The following POTEE variants were observed in gnomAD, a reference collection of about 807,000 sequenced individuals.
POTEE encodes ANKRD26-like family C member 1A.
POTEE carries 21 observed loss-of-function variants against 74.2 expected under a neutral mutation model. The observed-to-expected ratio is 0.28, with a 90% CI of 0.20 to 0.41. The LOEUF (loss-of-function observed/expected upper bound fraction) is 0.41. Among genes scored for constraint, POTEE ranks in the 10% least tolerant of loss-of-function variants. The probability of loss-of-function intolerance (pLI) is 1.00; values close to 1 mark genes in which losing one functional copy is unlikely to be tolerated. For synonymous variants in POTEE, 211 were observed against 432.8 expected (o/e 0.49, Z 6.36); for missense variants, 525 against 1,158.6 (o/e 0.45, Z 7.94).
chr2:131,225,764 G>A (rs1200080743), intron 6 of POTEE, among the ~76,000 whole-genome samples: 3 of 150,022 alleles, frequency 2.0e-5, no homozygotes, highest in East Asian at 2.0e-4. Context: ...GGGCTCAAGC[G>A]ATTCACCCAC....
At chr2:131,217,015 T>G (rs1700457174) in intron 2 of POTEE, among the ~76,000 whole-genome samples, 1 of 152,250 alleles carries the variant, frequency 6.6e-6, no homozygotes, top group Admixed American at 6.5e-5. Context: ...ATTGTTTAAC[T>G]AGTTAATACA....
intron 4 of POTEE, among the ~76,000 whole-genome samples, chr2:131,219,600 G>A (rs185035409): frequency 4.6e-5 from 7 of 152,150 alleles, no homozygotes; most frequent in Non-Finnish European, 7.4e-5. Context: ...AGCTGGGTGC[G>A]GTCGTAGACG....
At chr2:131,256,856 C>T (rs1454759411) in intron 16 of POTEE, among the ~76,000 whole-genome samples, 1 of 152,298 alleles carries the variant, frequency 6.6e-6, no homozygotes, top group African/African-American at 2.4e-5. Context: ...AGGATTGTAT[C>T]ATCAGGACGC....
intron 7 of POTEE, among the ~76,000 whole-genome samples, chr2:131,227,412 C>A (rs532041163): frequency 6.8e-6 from 1 of 146,234 alleles, no homozygotes; most frequent in African/African-American, 2.7e-5. Flanking sequence ...TAGCTTATCC[C>A]TACATGACAA....
chr2:131,211,699 C>T (rs1044146728), intron 2 of POTEE, among the ~76,000 whole-genome samples: 5 of 151,316 alleles, frequency 3.3e-5, no homozygotes, highest in South Asian at 4.2e-4. Flanking sequence ...ACTACAGGCG[C>T]CTGCCACCAC....
At position 131,218,476 on chromosome 2, in the gene POTEE, G is replaced by A; in HGVS notation, c.74G>A (p.Gly25Asp). ...CCATTTGGTCTCAGGAGCAAGATGGGCAAGTGGTGCTGCCGTTGCTTCCCC... is the reference window on the plus strand; with the variant it reads ...CCATTTGGTCTCAGGAGCAAGATGGACAAGTGGTGCTGCCGTTGCTTCCCC... ...KKPFGLRSKM[G>D]KWCCRCFPCY... The change falls in exon 4 of 18, where the codon GGC (glycine) becomes GAC (aspartate). Residue 25 changes from glycine (G) to aspartate (D), a missense_variant. Physicochemically the swap from Gly to Asp is moderately conservative, Grantham distance 94 (BLOSUM62 -1). Coordinates refer to ENST00000683005, the MANE Select transcript of POTEE (RefSeq NM_001083538.3). The A allele has an allele frequency of 6.2e-7, 1 of 1,613,172 alleles. No homozygotes were observed. Among genetic ancestry groups the A allele is most frequent in the Non-Finnish European group, 8.5e-7 (1 of 1,179,868 alleles).
chr2:131,251,371 A>G (rs1297342535), intron 14 of POTEE, among the ~76,000 whole-genome samples: 504 of 6,096 alleles, frequency 0.083, 12 homozygotes, highest in African/African-American at 0.14. Flanking sequence ...TTGATATTTA[A>G]CTTCAACATA....
At chr2:131,210,492 C>G (rs1700334836) in intron 1 of POTEE, among the ~76,000 whole-genome samples, 1 of 151,766 alleles carries the variant, frequency 6.6e-6, no homozygotes, top group Non-Finnish European at 1.5e-5. Flanking sequence ...GTGGGGACAG[C>G]AACAGCCATG....
In POTEE at chr2:131,233,824, G is replaced by C. The variant is rs1701042308; in HGVS notation, c.1127-2908G>C. On this transcript the variant is annotated intron_variant, in intron 9 of 17. Transcript: ENST00000683005. The stretch of plus-strand genomic sequence containing the variant: ...AAAGGCTTGGGGGACAGAGAGAAAT[G>C]TCAGATAATTTCCAGGTTTCCAGGT... Among the ~76,000 whole-genome samples, 6 of 150,320 alleles carry C rather than the reference G, an allele frequency of 4.0e-5. No homozygotes were observed. In the South Asian group the frequency reaches 1.3e-3, roughly 31 times the overall value.
chr2:131,227,234 A>G (rs1573709206), intron 7 of POTEE, among the ~76,000 whole-genome samples: 1 of 148,758 alleles, frequency 6.7e-6, no homozygotes, highest in East Asian at 1.9e-4. Flanking sequence ...CTTTTAGTTT[A>G]CTTTATGACT....
rs1365458760 is a variant in POTEE, at chr2:131,263,397, A to G, written c.1942A>G (p.Asn648Asp). 6.2e-7 allele frequency: 1 copy of G among 1,611,722 alleles called. No individual in the cohort carries two copies. The highest frequency in any genetic ancestry group is 8.5e-7 in the Non-Finnish European group (1 of 1,179,846). Reference protein sequence around the residue: ...CKKEKDVLHENSTLREEIAML... With the variant: ...CKKEKDVLHEDSTLREEIAML... ...GAAAGAAAAAGACGTCTTGCATGAA[A>G]ATAGTACGTTGCGGGAAGAAATTGC... is the stretch of plus-strand genomic sequence containing the variant. Residue 648 changes from asparagine to aspartate, a missense_variant, in exon 18 of 18, where the codon AAT becomes GAT. By Grantham distance (23) the Asn-to-Asp change is conservative. Coordinates refer to ENST00000683005, the MANE Select transcript of POTEE (RefSeq NM_001083538.3).
intron 9 of POTEE, among the ~76,000 whole-genome samples, chr2:131,233,683 G>T (rs564991391): frequency 1.1e-4 from 17 of 149,512 alleles, no homozygotes; most frequent in African/African-American, 3.8e-4. Context: ...TAGTTGGCAG[G>T]CTTTTTTTTA....
At chr2:131,211,453 G>T (rs1038718884) in intron 2 of POTEE, among the ~76,000 whole-genome samples, 13 of 146,408 alleles carry the variant, frequency 8.9e-5, no homozygotes, top group African/African-American at 3.3e-4. Flanking sequence ...TCTCTGGAGG[G>T]TGGCCTCCTT....
At chr2:131,222,381 G>A (rs1700646973) in intron 4 of POTEE, among the ~76,000 whole-genome samples, 2 of 151,900 alleles carry the variant, frequency 1.3e-5, no homozygotes, top group East Asian at 1.9e-4. Flanking sequence ...ATACCTAGAG[G>A]GAAGCAGCAC....
chr2:131,225,239 T>C (rs1316382483), intron 6 of POTEE, among the ~76,000 whole-genome samples: 1 of 152,072 alleles, frequency 6.6e-6, no homozygotes, highest in African/African-American at 2.4e-5. Flanking sequence ...CCTGGATATG[T>C]ATATTTGAAA....
Position 131,230,624 on chromosome 2 carries a change from G to A in POTEE, c.1056-212G>A, listed in dbSNP as rs528174277. Reference sequence around the variant, plus strand: ...TAATTTACTGGGTCACAGTGCCCTCGATTTATGACTATTTCACCTTACATT... The same window carrying A: ...TAATTTACTGGGTCACAGTGCCCTCAATTTATGACTATTTCACCTTACATT... On this transcript the variant is annotated intron_variant, in intron 8 of 17. Transcript: ENST00000683005. Among the ~76,000 whole-genome samples, 5 of 152,162 alleles carry A rather than the reference G, an allele frequency of 3.3e-5. No homozygotes were observed. The South Asian group carries it at 1.0e-3, about 32-fold the overall frequency.
At chr2:131,217,749 G>A (rs1381039798) in intron 3 of POTEE, among the ~76,000 whole-genome samples, 66 bp downstream of exon 3, 2 of 141,018 alleles carry the variant, frequency 1.4e-5, no homozygotes, top group African/African-American at 5.8e-5. Context: ...TAAGCACGCC[G>A]CACGCCGCAC....
At chr2:131,227,030 G>A in intron 7 of POTEE, 101 bp downstream of exon 7, 1 of 1,464,198 alleles carries the variant, frequency 6.8e-7, no homozygotes, top group Admixed American at 2.1e-5. Context: ...CTGGGATGTA[G>A]TGATCAGTAT....
At chr2:131,230,448 C>A (rs1415716881) in intron 8 of POTEE, among the ~76,000 whole-genome samples, 2 of 152,068 alleles carry the variant, frequency 1.3e-5, no homozygotes, top group African/African-American at 2.4e-5. Flanking sequence ...TTATAACAAC[C>A]TAGTGAAATA....
Sources: allele counts gnomAD v4.1 joint callset (sites outside exome capture counted in the v4.1 genomes callset), GRCh38; gene constraint gnomAD v4.1.1; transcripts MANE v1.5; gene names NCBI Gene and HGNC (gene_info 2026-07-23, HGNC 2026-07-21).